Variants in SLCO4A1 observed in about 807,000 individuals in gnomAD.
SLCO4A1 encodes colon organic anion transporter.
In SLCO4A1, 51 loss-of-function variants were observed where a neutral mutation model predicts 64.6. The observed-to-expected ratio is 0.79, with a 90% CI of 0.63 to 1.00. The LOEUF is 1.00. Among genes scored for constraint, SLCO4A1 ranks in the 50% least tolerant of loss-of-function variants. The probability of loss-of-function intolerance (pLI) is 0.00; values close to 1 mark genes in which losing one functional copy is unlikely to be tolerated. For synonymous variants in SLCO4A1, 471 were observed against 444.9 expected (o/e 1.06, Z -0.74); for missense variants, 919 against 980.5 (o/e 0.94, Z 0.84).
intron 4 of SLCO4A1, 127 bp from the exon 5 acceptor site, chr20:62,660,937 A>G (rs1984669569): frequency 3.0e-6 from 2 of 668,064 alleles, no homozygotes; most frequent in Non-Finnish European, 5.2e-6. Context: ...CGAGGGCTGC[A>G]GGGATGTCAG....
At position 62,672,195 on chromosome 20, in the gene SLCO4A1, A is replaced by G; in HGVS notation, c.*302A>G. Reference sequence around the variant, plus strand: ...GAGGACAAACTCCGCAGGGGCTGTGAATCCCACTGGGAGGGCGGTGGGCCT... The same window carrying G: ...GAGGACAAACTCCGCAGGGGCTGTGGATCCCACTGGGAGGGCGGTGGGCCT... On this transcript the variant is annotated 3_prime_UTR_variant, in exon 12 of 12. Coordinates refer to ENST00000217159, the MANE Select transcript of SLCO4A1 (RefSeq NM_016354.4). 2.3e-6 allele frequency: 3 copies of G among 1,303,544 alleles called. No individual in the cohort carries two copies. The highest frequency in any genetic ancestry group is 2.9e-6 in the Non-Finnish European group (3 of 1,019,116). The allele number at this position is 1,303,544 out of a possible 1,614,324, so 80.7% of individuals were successfully genotyped here.
chr20:62,679,809 CAG>C (rs1279675395), intron 2 of SLCO4A1, among the ~76,000 whole-genome samples: 1 of 152,234 alleles, frequency 6.6e-6, no homozygotes, highest in Middle Eastern at 3.2e-3. Flanking sequence ...ACAGCAGCAG[CAG>C]AGAGTCTAAG....
intron 2 of SLCO4A1, among the ~76,000 whole-genome samples, chr20:62,680,540 G>A (rs1987778884): frequency 6.6e-6 from 1 of 150,398 alleles, no homozygotes; most frequent in Non-Finnish European, 1.5e-5. Context: ...TGTTAAAGAG[G>A]TTCCCCTTCT....
chr20:62,685,966 C>A (rs1988045710), downstream of SLCO4A1, among the ~76,000 whole-genome samples: 1 of 152,194 alleles, frequency 6.6e-6, no homozygotes, highest in African/African-American at 2.4e-5. This position sits in a 1 kb window ranked among gnomAD's most constrained non-coding sequence, Gnocchi z 4.6. Context: ...CCACTCCCAT[C>A]TCTGATGACA....
chr20:62,674,933 GGC>G (rs765913191), downstream of SLCO4A1, among the ~76,000 whole-genome samples: 5 of 152,232 alleles, frequency 3.3e-5, no homozygotes, highest in Non-Finnish European at 7.3e-5. Context: ...ATGTGGGTAA[GGC>G]ACGTCCGTTG....
At chr20:62,651,883 G>C (rs576860562) in intron 1 of SLCO4A1, 4 of 152,244 alleles carry the variant, frequency 2.6e-5, no homozygotes, top group South Asian at 2.1e-4. Context: ...CCCAGTGCCC[G>C]GGCGTTGAGC....
At chr20:62,655,032 A>AAGG (rs1437721469) in intron 1 of SLCO4A1, among the ~76,000 whole-genome samples, 5 of 152,326 alleles carry the variant, frequency 3.3e-5, no homozygotes, top group African/African-American at 9.6e-5. Flanking sequence ...TCCCTGTTTA[A>AAGG]CCTTAGTCAC....
Position 62,672,134 on chromosome 20 carries a change from G to C in SLCO4A1, c.*241G>C. 1 of 1,410,282 alleles carries C rather than the reference G, an allele frequency of 7.1e-7. No individual in the cohort carries two copies. Among genetic ancestry groups the C allele is most frequent in the South Asian group, 1.5e-5 (1 of 67,946 alleles). 87.4% of individuals were successfully genotyped at this position (1,410,282 alleles called of 1,614,324 possible). On this transcript the variant is annotated 3_prime_UTR_variant, in exon 12 of 12. Transcript: ENST00000217159. ...CAGTTTGCATCAGAACGTGTTTATA[G>C]AATGTGTTTTATACCCGATCGTGTG...
In SLCO4A1 at chr20:62,661,326, A is replaced by G. The variant is rs975306582; in HGVS notation, c.1121+151A>G. On this transcript the variant is annotated intron_variant, in intron 5 of 11. Transcript: ENST00000217159. This position sits in a 1 kb window ranked among gnomAD's most constrained non-coding sequence, Gnocchi z 5.2. ...CTGGGCCAAGAGATTAAGGAGCAAC[A>G]GATAGAGCCTCTGGGCCAGGGGCCG... 1.9e-5 allele frequency: 12 copies of G among 628,618 alleles called. No individual in the cohort carries two copies. Among genetic ancestry groups the G allele is most frequent in the African/African-American group, 7.3e-5 (4 of 54,616 alleles). The allele number at this position is 628,618 out of a possible 1,614,324, so 38.9% of individuals were successfully genotyped here.
rs368631812 is a variant in SLCO4A1 at position 62,643,009 on chromosome 20, C to G, written c.-97+456C>G. ...GCGGAGCTCCAGAGTTGCGGAGTCA[C>G]CCACCTGCGGCGGCCGCTGCTGCCG... On this transcript the variant is annotated intron_variant, in intron 1 of 11. Coordinates refer to ENST00000217159, the MANE Select transcript of SLCO4A1 (RefSeq NM_016354.4). The G allele has an allele frequency of 4.9e-5, 23 of 470,366 alleles. No individual in the cohort carries two copies. The East Asian group carries it at 1.5e-3, about 30-fold the overall frequency. 29.1% of individuals were successfully genotyped at this position (470,366 alleles called of 1,614,324 possible).
intron 9 of SLCO4A1, 85 bp from the exon 10 acceptor site, chr20:62,668,392 T>C: frequency 1.4e-6 from 2 of 1,415,226 alleles, no homozygotes; most frequent in Non-Finnish European, 2.0e-6. Context: ...GGCTGGGGAC[T>C]GGTCCAGGAG....
intron 9 of SLCO4A1, 25 bp from the exon 10 acceptor site, chr20:62,668,452 C>G (rs1394953324): frequency 6.2e-7 from 1 of 1,613,098 alleles, no homozygotes; most frequent in Admixed American, 1.7e-5. Context: ...TCTGTGGGTG[C>G]TGACGCTGTG....
At chr20:62,668,757 C>T (rs1190876083) in intron 10 of SLCO4A1, among the ~76,000 whole-genome samples, 173 bp from the exon 11 acceptor site, 1 of 152,196 alleles carries the variant, frequency 6.6e-6, no homozygotes, top group African/African-American at 2.4e-5. Context: ...CTCGCAGCCC[C>T]AATGCCGAAT....
intron 1 of SLCO4A1, chr20:62,651,872 G>C (rs1982565014): frequency 1.3e-5 from 2 of 152,276 alleles, no homozygotes; most frequent in Admixed American, 1.3e-4. Flanking sequence ...TATGAGGCAA[G>C]CCCAGTGCCC....
chr20:62,681,357 T>G (rs770115408), intron 2 of SLCO4A1, among the ~76,000 whole-genome samples: 3 of 152,258 alleles, frequency 2.0e-5, no homozygotes, highest in African/African-American at 4.8e-5. Flanking sequence ...GATTCCGTGG[T>G]TCTGCTTATA....
chr20:62,664,743 G>C (rs1471021127), intron 5 of SLCO4A1, among the ~76,000 whole-genome samples, 191 bp from the exon 6 acceptor site: 1 of 152,180 alleles, frequency 6.6e-6, no homozygotes, highest in African/African-American at 2.4e-5. Context: ...TTTGTAATCA[G>C]ACCGGGGAGC....
At chr20:62,643,049 C>A (rs996771868) in intron 1 of SLCO4A1, 1 of 470,124 alleles carries the variant, frequency 2.1e-6, no homozygotes, top group Non-Finnish European at 4.4e-6. Context: ...AAGGAGGAAA[C>A]CTTCATGCAC....
intron 7 of SLCO4A1, chr20:62,667,391 C>T (rs981960586): frequency 4.2e-5 from 10 of 238,658 alleles, no homozygotes; most frequent in African/African-American, 1.6e-4. Flanking sequence ...GCTGGGGCCA[C>T]GAGGCTGCCT....
chr20:62,643,301 G>T, intron 1 of SLCO4A1: 1 of 313,770 alleles, frequency 3.2e-6, no homozygotes, highest in South Asian at 2.4e-5. Context: ...GGATGGAAAG[G>T]AAGGAGCAGG....
Sources: gnomAD v4.1 joint callset for allele counts (sites outside exome capture counted in the v4.1 genomes callset) on GRCh38, gnomAD v4.1.1 for gene constraint, Gnocchi (gnomAD v3.1) non-coding constraint, MANE v1.5 for transcripts, NCBI Gene and HGNC (gene_info 2026-07-23, HGNC 2026-07-21) for gene names.